CCDC178: variants seen among roughly 807,000 people sequenced by gnomAD.
The protein encoded by CCDC178 is coiled-coil domain-containing protein 178.
In CCDC178, 126 loss-of-function variants were observed where a neutral mutation model predicts 117.4. That is an observed-to-expected ratio of 1.07 (90% CI 0.93 to 1.24). The LOEUF (loss-of-function observed/expected upper bound fraction) is 1.24. Ranked by LOEUF, CCDC178 falls within the 50% of genes most tolerant of loss-of-function variation. The probability of loss-of-function intolerance (pLI) is 0.00; values close to 1 mark genes in which losing one functional copy is unlikely to be tolerated. For missense variants in CCDC178, 1,030 were observed against 986.9 expected (o/e 1.04, Z -0.59); for synonymous variants, 283 against 313.4 (o/e 0.90, Z 1.02).
At chr18:33,420,146 C>T (rs551615003) in intron 2 of CCDC178, among the ~76,000 whole-genome samples, 154 of 152,154 alleles carry the variant, frequency 1.0e-3, no homozygotes, top group Non-Finnish European at 2.0e-3. Flanking sequence ...TTTGCAGCCA[C>T]ATGGATGGAG....
intron 7 of CCDC178, among the ~76,000 whole-genome samples, chr18:33,351,312 C>T (rs1260049928): frequency 6.6e-6 from 1 of 152,006 alleles, no homozygotes; most frequent in African/African-American, 2.4e-5. Context: ...TGTGCTTCAG[C>T]CTCCCAAGTA....
chr18:33,101,774 C>T (rs761198579), intron 20 of CCDC178, among the ~76,000 whole-genome samples: 9 of 151,848 alleles, frequency 5.9e-5, no homozygotes, highest in Non-Finnish European at 1.3e-4. Context: ...AAAAACTGAT[C>T]TAAGGGGTTC....
chr18:33,192,939 T>C (rs2058878870), intron 20 of CCDC178, among the ~76,000 whole-genome samples: 1 of 145,578 alleles, frequency 6.9e-6, no homozygotes, highest in African/African-American at 2.5e-5. Context: ...AAATTCTCTC[T>C]AAGACTCAGT....
intron 20 of CCDC178, among the ~76,000 whole-genome samples, chr18:33,121,968 G>T (rs1364375447): frequency 1.3e-5 from 2 of 152,064 alleles, no homozygotes; most frequent in Non-Finnish European, 2.9e-5. Context: ...TGCTGTACAG[G>T]TTTGTAGCCC....
chr18:33,371,784 T>TATATACAC (rs369419194), intron 5 of CCDC178, among the ~76,000 whole-genome samples: 3 of 144,192 alleles, frequency 2.1e-5, no homozygotes, highest in African/African-American at 7.7e-5. Context: ...TAAACATATA[T>TATATACAC]ACACACACAC....
At chr18:33,161,063 T>C (rs528117392) in intron 20 of CCDC178, among the ~76,000 whole-genome samples, 1 of 152,112 alleles carries the variant, frequency 6.6e-6, no homozygotes, top group East Asian at 1.9e-4. Context: ...AAAAAATAGA[T>C]CAACTGTTCT....
intron 21 of CCDC178, among the ~76,000 whole-genome samples, chr18:33,062,186 A>C (rs577023355): frequency 6.6e-6 from 1 of 152,316 alleles, no homozygotes; most frequent in Non-Finnish European, 1.5e-5. Flanking sequence ...CATCTAGCAA[A>C]ACAGATGCTC....
At position 33,048,915 on chromosome 18, in the gene CCDC178, A is replaced by G. The variant is rs1598826754; in HGVS notation, c.2388+43846T>C. Among the ~76,000 whole-genome samples the G allele has an allele frequency of 2.6e-5, 4 of 152,298 alleles. No homozygotes were observed. The East Asian group carries it at 7.7e-4, about 29-fold the overall frequency. On this transcript the variant is annotated intron_variant, in intron 21 of 22. Coordinates refer to ENST00000383096, the MANE Select transcript of CCDC178 (RefSeq NM_001105528.4). ...ATAAGAATTCCAAAACCTCACTTAC[A>G]AAATGTCTCCCACTCCATCCCTATC...
intron 21 of CCDC178, among the ~76,000 whole-genome samples, chr18:32,986,249 C>G (rs1228326737): frequency 6.6e-6 from 1 of 151,968 alleles, no homozygotes; most frequent in African/African-American, 2.4e-5. Flanking sequence ...ATCTGGAGAA[C>G]CATGAGTGAA....
intron 21 of CCDC178, among the ~76,000 whole-genome samples, chr18:33,033,584 T>C (rs907618675): frequency 2.0e-5 from 3 of 151,960 alleles, no homozygotes; most frequent in African/African-American, 7.2e-5. Flanking sequence ...TATTCAAACT[T>C]TCCCAACTTA....
chr18:33,008,799 A>C (rs1482788855), intron 21 of CCDC178, among the ~76,000 whole-genome samples: 2 of 152,014 alleles, frequency 1.3e-5, no homozygotes, highest in African/African-American at 4.8e-5. Flanking sequence ...TAGTCTAATG[A>C]TTGCCAACAT....
At chr18:33,152,799 C>T (rs917687670) in intron 20 of CCDC178, among the ~76,000 whole-genome samples, 5 of 152,020 alleles carry the variant, frequency 3.3e-5, no homozygotes, top group Non-Finnish European at 5.9e-5. Flanking sequence ...AGAATGTACA[C>T]CTCCAGGCAG....
chr18:33,280,264 CAAAG>C (rs1362459563), intron 12 of CCDC178, among the ~76,000 whole-genome samples: 1 of 152,046 alleles, frequency 6.6e-6, no homozygotes, highest in African/African-American at 2.4e-5. Context: ...AAGAGAAAAA[CAAAG>C]AACCCCATCA....
intron 20 of CCDC178, among the ~76,000 whole-genome samples, chr18:33,156,641 CAAAAAA>C (rs35712594): frequency 1.2e-3 from 121 of 99,242 alleles, no homozygotes; most frequent in Admixed American, 3.9e-3. Flanking sequence ...TCCTCCCTCT[CAAAAAA>C]AAAAAAAAAA....
chr18:33,380,229 C>T (rs1000303853), intron 5 of CCDC178, among the ~76,000 whole-genome samples: 3 of 152,134 alleles, frequency 2.0e-5, no homozygotes, highest in Admixed American at 6.5e-5. Context: ...CTCCTGCCCC[C>T]GGCCTGTGAT....
chr18:33,001,111 C>T (rs999314731), intron 21 of CCDC178, among the ~76,000 whole-genome samples: 4 of 152,200 alleles, frequency 2.6e-5, no homozygotes, highest in African/African-American at 7.2e-5. Context: ...TTTCTCTTTG[C>T]TTATTAGTTT....
At chr18:33,101,249 TA>T (rs1333771548) in intron 20 of CCDC178, among the ~76,000 whole-genome samples, 2 of 151,414 alleles carry the variant, frequency 1.3e-5, no homozygotes, top group Non-Finnish European at 3.0e-5. Flanking sequence ...AATTTGTTGA[TA>T]TTTTAAAATA....
At chr18:33,415,072 G>C (rs954538797) in intron 2 of CCDC178, among the ~76,000 whole-genome samples, 1 of 152,176 alleles carries the variant, frequency 6.6e-6, no homozygotes, top group Non-Finnish European at 1.5e-5. Context: ...AGAGGATGGG[G>C]AGAAATAGGA....
chr18:33,417,695 T>C (rs188002777), intron 2 of CCDC178, among the ~76,000 whole-genome samples: 16 of 152,186 alleles, frequency 1.1e-4, no homozygotes, highest in Admixed American at 3.3e-4. Flanking sequence ...TGGGAACTGA[T>C]AGTTGAAGGG....
Sources: gnomAD v4.1 joint callset for allele counts (sites outside exome capture counted in the v4.1 genomes callset) on GRCh38, gnomAD v4.1.1 for gene constraint, MANE v1.5 for transcripts, NCBI Gene and HGNC (gene_info 2026-07-23, HGNC 2026-07-21) for gene names.